SLC35F1: variants seen among roughly 807,000 people sequenced by gnomAD.
SLC35F1 encodes chromosome 6 open reading frame 169.
SLC35F1 carries 14 observed loss-of-function variants against 48.7 expected under a neutral mutation model. The observed-to-expected ratio is 0.29, with a 90% confidence interval of 0.19 to 0.45. The LOEUF (loss-of-function observed/expected upper bound fraction) is 0.45. Among genes scored for constraint, SLC35F1 ranks in the 20% least tolerant of loss-of-function variants. The pLI is 1.00. For synonymous variants in SLC35F1, 190 were observed against 202.2 expected (o/e 0.94, Z 0.51); for missense variants, 404 against 500.0 (o/e 0.81, Z 1.83).
chr6:118,030,887 C>T (rs1772035182), intron 1 of SLC35F1, among the ~76,000 whole-genome samples: 1 of 152,010 alleles, frequency 6.6e-6, no homozygotes, highest in Non-Finnish European at 1.5e-5. Context: ...AATAAATGTC[C>T]TCTAAGTAGG....
chr6:118,014,563 T>C (rs1017758315), intron 1 of SLC35F1, among the ~76,000 whole-genome samples: 1 of 152,122 alleles, frequency 6.6e-6, no homozygotes, highest in Non-Finnish European at 1.5e-5. Context: ...TAAAACCCAA[T>C]TGTAATCAGA....
At chr6:118,255,915 G>A (rs1468293343) in intron 3 of SLC35F1, among the ~76,000 whole-genome samples, 1 of 152,056 alleles carries the variant, frequency 6.6e-6, no homozygotes, top group African/African-American at 2.4e-5. Flanking sequence ...TAAATTCTAA[G>A]GTATAGGGTT....
intron 1 of SLC35F1, among the ~76,000 whole-genome samples, chr6:118,007,882 G>A (rs1420156888): frequency 1.3e-5 from 2 of 151,816 alleles, no homozygotes; most frequent in Non-Finnish European, 2.9e-5. Context: ...CTTTTCTGGA[G>A]CTTCAGGTCT....
At chr6:118,156,881 G>GA (rs952467938) in intron 2 of SLC35F1, among the ~76,000 whole-genome samples, 2 of 149,770 alleles carry the variant, frequency 1.3e-5, no homozygotes, top group African/African-American at 4.9e-5. Context: ...CTTGAATCAG[G>GA]AAAAAAAAAG....
Position 118,269,861 on chromosome 6 carries a change from C to A in SLC35F1, c.637+2707C>A, listed in dbSNP as rs113256535. 1.0e-2 allele frequency among the ~76,000 whole-genome samples: 1,516 copies of A among 152,202 alleles called. 27 individuals are homozygous for A. Among genetic ancestry groups the A allele is most frequent in the African/African-American group, 0.035 (1,442 of 41,516 alleles). On this transcript the variant is annotated intron_variant, in intron 4 of 7. Coordinates refer to ENST00000360388, the MANE Select transcript of SLC35F1 (RefSeq NM_001029858.4). ...GATCAGCCTGGGCAACACAGTGAGA[C>A]CCCATCTCTACAGAAAAAATTAGCC...
At chr6:118,263,820 A>T (rs113272546) in intron 3 of SLC35F1, among the ~76,000 whole-genome samples, 34 of 152,318 alleles carry the variant, frequency 2.2e-4, no homozygotes, top group African/African-American at 7.9e-4. Flanking sequence ...GTTTTATGTT[A>T]TGTGACCACG....
chr6:118,203,749 C>T (rs1386967485), intron 2 of SLC35F1, among the ~76,000 whole-genome samples: 1 of 152,212 alleles, frequency 6.6e-6, no homozygotes, highest in Non-Finnish European at 1.5e-5. Flanking sequence ...CCAAATTGCA[C>T]TATGGCAACT....
chr6:117,934,768 G>C (rs374025219), intron 1 of SLC35F1, among the ~76,000 whole-genome samples: 3 of 152,128 alleles, frequency 2.0e-5, no homozygotes, highest in Admixed American at 6.5e-5. Flanking sequence ...TCAACGGTAA[G>C]ATACAGAGTT....
chr6:118,096,892 T>C (rs934993424), intron 1 of SLC35F1, among the ~76,000 whole-genome samples: 5 of 152,180 alleles, frequency 3.3e-5, no homozygotes, highest in African/African-American at 1.2e-4. Flanking sequence ...AGACTCACTC[T>C]CCTTTTTATT....
chr6:117,968,118 T>G (rs934956581), intron 1 of SLC35F1, among the ~76,000 whole-genome samples: 3 of 152,194 alleles, frequency 2.0e-5, no homozygotes, highest in Non-Finnish European at 2.9e-5. Flanking sequence ...CTTGTTTGCT[T>G]AAATTACTGC....
In SLC35F1 at chr6:118,019,181, GAATA is replaced by G. The variant is rs568208430; in HGVS notation, c.173+111287_173+111290del. Among the ~76,000 whole-genome samples the G allele has an allele frequency of 3.1e-3, 462 of 151,348 alleles. 1 individual carries two copies. The highest frequency in any genetic ancestry group is 0.01 in the African/African-American group (431 of 41,378). Reference sequence around the variant, plus strand: ...TTGAATAAATATAATTGTAATTTTAGAATAAATATATTAAAATATATAGTATATT... The same window carrying G: ...TTGAATAAATATAATTGTAATTTTAGAATATATTAAAATATATAGTATATT... On this transcript the variant is annotated intron_variant, in intron 1 of 7. Coordinates refer to ENST00000360388, the MANE Select transcript of SLC35F1 (RefSeq NM_001029858.4).
intron 1 of SLC35F1, among the ~76,000 whole-genome samples, chr6:118,072,959 C>T (rs1772760517): frequency 6.6e-6 from 1 of 152,144 alleles, no homozygotes; most frequent in Non-Finnish European, 1.5e-5. Flanking sequence ...TCCACATCTT[C>T]TGTATTCTAA....
intron 2 of SLC35F1, among the ~76,000 whole-genome samples, chr6:118,221,347 GGAAAT>G (rs1775148249): frequency 6.6e-6 from 1 of 152,104 alleles, no homozygotes; most frequent in Non-Finnish European, 1.5e-5. Context: ...CAGAATGCCG[GGAAAT>G]GAACAAGAAA....
At chr6:118,002,793 A>G (rs1777121672) in intron 1 of SLC35F1, among the ~76,000 whole-genome samples, 1 of 151,888 alleles carries the variant, frequency 6.6e-6, no homozygotes, top group African/African-American at 2.4e-5. Context: ...AAGAAAAGGC[A>G]TAAGAGATCA....
chr6:118,137,895 A>G (rs1183028187), intron 1 of SLC35F1, among the ~76,000 whole-genome samples: 1 of 151,980 alleles, frequency 6.6e-6, no homozygotes, highest in African/African-American at 2.4e-5. Context: ...GTCTGCCTTT[A>G]CCCCTAACAT....
chr6:118,305,047 AAT>A (rs10632067), intron 7 of SLC35F1, among the ~76,000 whole-genome samples: 1,342 of 68,080 alleles, frequency 0.02, 18 homozygotes, highest in Non-Finnish European at 0.03. Context: ...AATCAACAGG[AAT>A]GTGTGTGTGT....
At chr6:118,014,198 A>C (rs1320948564) in intron 1 of SLC35F1, among the ~76,000 whole-genome samples, 1 of 151,930 alleles carries the variant, frequency 6.6e-6, no homozygotes, top group Non-Finnish European at 1.5e-5. Context: ...AAGACATCGT[A>C]TATAAAACAC....
chr6:118,002,477 C>T (rs975839062), intron 1 of SLC35F1, among the ~76,000 whole-genome samples: 8 of 151,734 alleles, frequency 5.3e-5, no homozygotes, highest in African/African-American at 1.9e-4. Context: ...GGAGGGATAG[C>T]ATTAGGAGAT....
At chr6:118,267,207 C>T in intron 4 of SLC35F1, 53 bp downstream of exon 4, 1 of 1,596,324 alleles carries the variant, frequency 6.3e-7, no homozygotes, top group Admixed American at 1.7e-5. Flanking sequence ...GAGGCCAAGG[C>T]AAGAAATGGA....
Sources: allele counts gnomAD v4.1 joint callset (sites outside exome capture counted in the v4.1 genomes callset), GRCh38; gene constraint gnomAD v4.1.1; transcripts MANE v1.5; gene names NCBI Gene and HGNC (gene_info 2026-07-23, HGNC 2026-07-21).